The following DENND3 variants were observed in gnomAD, a reference collection of about 807,000 sequenced individuals.
The protein encoded by DENND3 is DENN domain-containing protein 3.
DENND3 carries 88 observed loss-of-function variants against 135.1 expected under a neutral mutation model. The ratio of observed to expected loss-of-function variants is 0.65; its 90% confidence interval spans 0.55 to 0.78. The LOEUF (loss-of-function observed/expected upper bound fraction) is 0.78, where lower values mean the gene tolerates loss of function less well. Among genes scored for constraint, DENND3 ranks in the 30% least tolerant of loss-of-function variants. The probability of loss-of-function intolerance (pLI) is 0.00; values close to 1 mark genes in which losing one functional copy is unlikely to be tolerated. For missense variants in DENND3, 1,392 were observed against 1,688.4 expected (o/e 0.82, Z 3.08); for synonymous variants, 693 against 712.3 (o/e 0.97, Z 0.43).
At chr8:141,153,709 G>A (rs534679173) in intron 7 of DENND3, among the ~76,000 whole-genome samples, 18 of 152,362 alleles carry the variant, frequency 1.2e-4, no homozygotes, top group Admixed American at 2.6e-4. Context: ...ACGGAAAAGC[G>A]TCATCCATCC....
intron 1 of DENND3, among the ~76,000 whole-genome samples, chr8:141,129,286 CCT>C (rs1185858263): frequency 6.6e-6 from 1 of 152,192 alleles, no homozygotes; most frequent in East Asian, 1.9e-4. Flanking sequence ...TGTGTTGTCC[CCT>C]GAGTAGTGGG....
chr8:141,128,904 G>T lies in DENND3; in HGVS notation c.102+95G>T, dbSNP rs1815528383. 5 of 972,326 alleles carry T rather than the reference G, an allele frequency of 5.1e-6. 1 individual carries two copies. The South Asian group carries it at 1.2e-4, about 24-fold the overall frequency. The allele number at this position is 972,326 out of a possible 1,614,324, so 60.2% of individuals were successfully genotyped here. On this transcript the variant is annotated intron_variant, in intron 1 of 22. Coordinates refer to ENST00000519811, the MANE Select transcript of DENND3 (RefSeq NM_001352890.3). The surrounding 1 kb of genome is among the most constrained non-coding windows in gnomAD (Gnocchi z 4.5). ...GCGCCCGGGTGCCCTGTGGGTTGGC[G>T]CGGACTTTCCGAGGGCTGAGTCCCG...
At chr8:141,145,715 T>C (rs1006460628) in intron 5 of DENND3, among the ~76,000 whole-genome samples, 1 of 150,944 alleles carries the variant, frequency 6.6e-6, no homozygotes, top group African/African-American at 2.4e-5. Flanking sequence ...ATGCAGATAA[T>C]ACATGGAAAC....
At chr8:141,193,051 C>T (rs778867122) in intron 22 of DENND3, 54 of 454,910 alleles carry the variant, frequency 1.2e-4, no homozygotes, top group Middle Eastern at 6.7e-4. Context: ...CCGTCCTTGG[C>T]GTGCCCTGGC....
Position 141,138,246 on chromosome 8 carries a change from C to T in DENND3, c.501+109C>T. 1 of 1,164,648 alleles carries T rather than the reference C, an allele frequency of 8.6e-7. No individual in the cohort carries two copies. Among genetic ancestry groups the T allele is most frequent in the African/African-American group, 1.5e-5 (1 of 65,500 alleles). 72.1% of individuals were successfully genotyped at this position (1,164,648 alleles called of 1,614,324 possible). A position where few individuals can be genotyped will look rare whatever the true frequency, so the allele number is the denominator to read the frequency against. The stretch of plus-strand genomic sequence containing the variant: ...TCTAACCATTTTAAAGTGTGCAGTT[C>T]CGTAACATTAAGTACATTCACAGCA... On this transcript the variant is annotated intron_variant, in intron 3 of 22. Transcript: ENST00000519811. The surrounding 1 kb of genome is among the most constrained non-coding windows in gnomAD (Gnocchi z 4.8).
intron 5 of DENND3, among the ~76,000 whole-genome samples, chr8:141,145,803 TTA>T (rs60546894): frequency 0.019 from 1,647 of 86,454 alleles, 18 homozygotes; most frequent in Non-Finnish European, 0.027. Flanking sequence ...ATATTGAATA[TTA>T]TATATATATA....
intron 19 of DENND3, 118 bp downstream of exon 19, chr8:141,189,264 A>G: frequency 1.5e-6 from 2 of 1,375,068 alleles, no homozygotes; most frequent in South Asian, 1.3e-5. Context: ...TACAGAGTGA[A>G]GTGGATCTAG....
In DENND3 at chr8:141,160,709, C is replaced by T. The variant is rs1204744363; in HGVS notation, c.1274C>T (p.Ala425Val). 6.2e-7 allele frequency: 1 copy of T among 1,613,282 alleles called. No homozygotes were observed. The highest frequency in any genetic ancestry group is 8.5e-7 in the Non-Finnish European group (1 of 1,179,888). ...AGCACAGACCTGAAGGAGGGCCGAG[C>T]CCACCGGCGGTCCTGGCAGCAGAAA... is the stretch of plus-strand genomic sequence containing the variant. ...LSSTDLKEGR[A>V]HRRSWQQKLN... The change falls in exon 9 of 23, where the codon GCC becomes GTC. Residue 425 changes from alanine (A) to valine (V), a missense_variant. By Grantham distance (64) the Ala-to-Val change is moderately conservative. Transcript: ENST00000519811.
chr8:141,149,423 C>A (rs557618738), intron 5 of DENND3, among the ~76,000 whole-genome samples: 4 of 152,330 alleles, frequency 2.6e-5, no homozygotes, highest in African/African-American at 7.2e-5. Flanking sequence ...AAAAAATCAC[C>A]AAACTTCTAA....
At position 141,194,302 on chromosome 8, in the gene DENND3, A is replaced by G. The variant is rs1024994800; in HGVS notation, c.*69A>G. 1.1e-4 allele frequency: 169 copies of G among 1,548,928 alleles called. No homozygotes were observed. The highest frequency in any genetic ancestry group is 1.4e-4 in the Non-Finnish European group (164 of 1,142,948). On this transcript the variant is annotated 3_prime_UTR_variant, in exon 23 of 23. Transcript: ENST00000519811. ...GACTGGCTGCCCCCTAGAGCCTGCCAGGAGCAGAAGCCTGGAGGGGTGGCA... is the reference window on the plus strand; with the variant it reads ...GACTGGCTGCCCCCTAGAGCCTGCCGGGAGCAGAAGCCTGGAGGGGTGGCA...
chr8:141,185,399 T>C, intron 18 of DENND3, 121 bp downstream of exon 18: 1 of 1,331,860 alleles, frequency 7.5e-7, no homozygotes, highest in Non-Finnish European at 1.0e-6. Flanking sequence ...TCGGTTTCTG[T>C]AAACAGGGGG....
rs1174066346 is a variant in DENND3, at chr8:141,178,072, T to C, written c.2712T>C (p.Pro904=). ...CGCACGTGTTTCTGTTGTAGGACCC[T>C]CACTACGTCCAGCAGGCGCTGACCA... ...GKKLADDHKD[P]HYVQQALTNV... is the part of the protein sequence containing the mutation. Residue 904 remains proline (P), a synonymous_variant, in exon 16 of 23, where the codon CCT becomes CCC. Transcript: ENST00000519811. The C allele has an allele frequency of 6.2e-7, 1 of 1,605,022 alleles. No individual in the cohort carries two copies. The highest frequency in any genetic ancestry group is 8.5e-7 in the Non-Finnish European group (1 of 1,172,850).
chr8:141,178,889 T>C (rs1437985243), intron 16 of DENND3, among the ~76,000 whole-genome samples: 2 of 152,212 alleles, frequency 1.3e-5, no homozygotes, highest in East Asian at 3.9e-4. Flanking sequence ...TAGACACCGT[T>C]TGGGTGAAGG....
chr8:141,164,140 C>T (rs1017558391), intron 10 of DENND3, among the ~76,000 whole-genome samples: 19 of 152,092 alleles, frequency 1.2e-4, no homozygotes, highest in Non-Finnish European at 2.5e-4. Flanking sequence ...TGCAGTCCTG[C>T]GGTCTGCGCT....
rs373606140 is a variant in DENND3, at chr8:141,153,120, G to A, written c.1074+1283G>A. On this transcript the variant is annotated intron_variant, in intron 7 of 22. Coordinates refer to ENST00000519811, the MANE Select transcript of DENND3 (RefSeq NM_001352890.3). ...TTTTTTTTTTTTTTTTTGAGACAGAGTCTCGCTCTGTTGCCCAGGCTGGAG... is the reference window on the plus strand; with the variant it reads ...TTTTTTTTTTTTTTTTTGAGACAGAATCTCGCTCTGTTGCCCAGGCTGGAG... Among the ~76,000 whole-genome samples the A allele has an allele frequency of 3.9e-4, 53 of 136,832 alleles. No individual in the cohort carries two copies. In the South Asian group the frequency reaches 0.012, roughly 31 times the overall value. The allele number at this position is 136,832 out of a possible 152,430, so 89.8% of individuals were successfully genotyped here. A position where few individuals can be genotyped will look rare whatever the true frequency, so the allele number is the denominator to read the frequency against.
At chr8:141,143,935 A>T in intron 4 of DENND3, 1 of 489,884 alleles carries the variant, frequency 2.0e-6, no homozygotes, top group Non-Finnish European at 3.6e-6. Flanking sequence ...CCCTTCCAAA[A>T]TATACCTCCC....
intron 15 of DENND3, chr8:141,177,511 G>C (rs1364518600): frequency 6.5e-6 from 1 of 152,820 alleles, no homozygotes; most frequent in Non-Finnish European, 1.5e-5. Context: ...AGGAGGAACA[G>C]ATGGGGCCAC....
At chr8:141,135,032 G>C (rs745356187) in intron 1 of DENND3, among the ~76,000 whole-genome samples, 1 of 152,092 alleles carries the variant, frequency 6.6e-6, no homozygotes, top group Non-Finnish European at 1.5e-5. Flanking sequence ...GTAGAGACGG[G>C]GTTTCACTGT....
At chr8:141,134,737 AAGACTCCC>A (rs1392608919) in intron 1 of DENND3, among the ~76,000 whole-genome samples, 2 of 152,178 alleles carry the variant, frequency 1.3e-5, no homozygotes, top group Non-Finnish European at 2.9e-5. Context: ...CTTCCAGCGT[AAGACTCCC>A]CTTTTGTCAC....
Sources: allele counts gnomAD v4.1 joint callset (sites outside exome capture counted in the v4.1 genomes callset), GRCh38; gene constraint gnomAD v4.1.1; non-coding constraint Gnocchi (gnomAD v3.1); transcripts MANE v1.5; gene names NCBI Gene and HGNC (gene_info 2026-07-23, HGNC 2026-07-21).